The following NBEA variants were observed in gnomAD, a reference collection of about 807,000 sequenced individuals.
The protein encoded by NBEA is neurobeachin.
A neutral mutation model predicts 343.4 loss-of-function variants in NBEA; 44 were observed. The observed-to-expected ratio is 0.13, with a 90% CI of 0.10 to 0.16. The LOEUF is 0.16. Ranked by LOEUF, NBEA falls within the 10% of genes least tolerant of loss-of-function variation. The pLI is 1.00. For missense variants in NBEA, 2,555 were observed against 3,631.3 expected (o/e 0.70, Z 7.62); for synonymous variants, 1,175 against 1,238.7 (o/e 0.95, Z 1.08).
At chr13:35,499,464 G>C (rs987660091) in intron 41 of NBEA, among the ~76,000 whole-genome samples, 1 of 152,018 alleles carries the variant, frequency 6.6e-6, no homozygotes, top group Non-Finnish European at 1.5e-5. Flanking sequence ...ATCATGTTCA[G>C]CTGCTCTGTT....
intron 1 of NBEA, among the ~76,000 whole-genome samples, chr13:35,030,756 C>T (rs911760605): frequency 2.0e-5 from 3 of 151,630 alleles, no homozygotes; most frequent in African/African-American, 7.2e-5. Context: ...AACCATCTCA[C>T]TGTAGAAAGC....
chr13:35,536,368 G>A (rs1177166589), intron 41 of NBEA, among the ~76,000 whole-genome samples: 3 of 152,112 alleles, frequency 2.0e-5, no homozygotes, highest in Non-Finnish European at 2.9e-5. Context: ...ACAAGGAGGA[G>A]AAGTTATTCT....
In NBEA at chr13:35,130,776, A is replaced by G. The variant is rs184110130; in HGVS notation, c.2336+7202A>G. ...ACCATAAAGTAGGCTCAAGAAATTT[A>G]AACAAATTGTCATACAGATGACTTT... On this transcript the variant is annotated intron_variant, in intron 17 of 58. Transcript: ENST00000379939. Among the ~76,000 whole-genome samples, 54 of 152,220 alleles carry G rather than the reference A, an allele frequency of 3.5e-4. No individual in the cohort carries two copies. In the East Asian group the frequency reaches 9.8e-3, roughly 28 times the overall value.
At chr13:35,070,930 A>G in intron 10 of NBEA, 78 bp downstream of exon 10, 1 of 1,448,656 alleles carries the variant, frequency 6.9e-7, no homozygotes, top group Non-Finnish European at 9.3e-7. Context: ...AGTGCTGTGT[A>G]AATGTATTAC....
At chr13:34,970,051 A>T (rs2059951618) in intron 1 of NBEA, among the ~76,000 whole-genome samples, 1 of 152,146 alleles carries the variant, frequency 6.6e-6, no homozygotes, top group South Asian at 2.1e-4. Context: ...CAACCTTGCC[A>T]GCATCTGTTG....
intron 55 of NBEA, among the ~76,000 whole-genome samples, chr13:35,656,453 C>A (rs1303380904): frequency 1.3e-5 from 2 of 152,134 alleles, no homozygotes; most frequent in African/African-American, 4.8e-5. Flanking sequence ...TTGTTTAATC[C>A]GCAGCCTCTC....
intron 47 of NBEA, 89 bp from the exon 48 acceptor site, chr13:35,606,337 C>T: frequency 1.6e-6 from 1 of 628,422 alleles, no homozygotes; most frequent in Non-Finnish European, 2.3e-6. Flanking sequence ...TATTTTATTC[C>T]ATTTATAGTT....
intron 35 of NBEA, among the ~76,000 whole-genome samples, chr13:35,292,310 C>G (rs886702957): frequency 6.6e-6 from 1 of 151,900 alleles, no homozygotes; most frequent in Non-Finnish European, 1.5e-5. Context: ...TGCCATTTTT[C>G]TATACTACTT....
At chr13:35,465,873 C>T (rs1241204085) in intron 40 of NBEA, among the ~76,000 whole-genome samples, 1 of 150,566 alleles carries the variant, frequency 6.6e-6, no homozygotes, top group Non-Finnish European at 1.5e-5. Flanking sequence ...ATTACCTGCT[C>T]TACAATAAAT....
Position 35,057,207 on chromosome 13 carries a change from TC to T in NBEA, c.1092+1079del, listed in dbSNP as rs535043883. On this transcript the variant is annotated intron_variant, in intron 7 of 58. Transcript: ENST00000379939. Reference sequence around the variant, plus strand: ...ACTTACCTCTTAAACACAATTCATTTCTCAGTTTTGTTTGCATCTCTCTAGG... The same window carrying T: ...ACTTACCTCTTAAACACAATTCATTTTCAGTTTTGTTTGCATCTCTCTAGG... Among the ~76,000 whole-genome samples the T allele has an allele frequency of 2.4e-3, 372 of 152,242 alleles. 1 individual carries two copies. Among genetic ancestry groups the T allele is most frequent in the African/African-American group, 8.7e-3 (361 of 41,566 alleles).
At chr13:35,172,983 G>C (rs934065879) in intron 26 of NBEA, among the ~76,000 whole-genome samples, 1 of 152,078 alleles carries the variant, frequency 6.6e-6, no homozygotes, top group African/African-American at 2.4e-5. Context: ...GGTGAATTTG[G>C]GGACCTGTGA....
intron 52 of NBEA, among the ~76,000 whole-genome samples, chr13:35,650,383 C>A (rs2084456762): frequency 6.6e-6 from 1 of 152,170 alleles, no homozygotes; most frequent in African/African-American, 2.4e-5. Context: ...AATCTAAATT[C>A]TCCAGTGATT....
chr13:35,135,393 T>C (rs1028826780), intron 17 of NBEA, among the ~76,000 whole-genome samples: 2 of 152,012 alleles, frequency 1.3e-5, no homozygotes, highest in African/African-American at 4.8e-5. Context: ...ATATATACAA[T>C]GATAGCCAAA....
At chr13:35,521,745 G>A (rs191743753) in intron 41 of NBEA, among the ~76,000 whole-genome samples, 19 of 152,190 alleles carry the variant, frequency 1.2e-4, no homozygotes, top group African/African-American at 3.1e-4. Context: ...GGTTTGCCTC[G>A]GCAACAAATG....
Position 35,070,095 on chromosome 13 carries a change from T to C in NBEA, c.1427T>C (p.Leu476Pro). ...ASIFVHSPHA[L>P]MLQDVKAIVT... ...ATTTTTGTGCATTCCCCACATGCTCTAATGCTTCAGGTGGGTGAATCGTGG... is the reference window on the plus strand; with the variant it reads ...ATTTTTGTGCATTCCCCACATGCTCCAATGCTTCAGGTGGGTGAATCGTGG... The change falls in exon 9 of 59, where the codon CTA becomes CCA. Residue 476 changes from leucine to proline, a missense_variant. Leu to Pro is a moderately conservative substitution (Grantham distance 98, BLOSUM62 -3). Around this residue, in one of 21 missense-constraint regions of NBEA, gnomAD observed 75 missense variants for 237.4 expected, o/e 0.32. Transcript: ENST00000379939. The C allele has an allele frequency of 6.3e-7, 1 of 1,576,940 alleles. No individual in the cohort carries two copies. Among genetic ancestry groups the C allele is most frequent in the African/African-American group, 1.4e-5 (1 of 73,918 alleles).
chr13:35,631,504 T>G (rs762992259), intron 49 of NBEA, among the ~76,000 whole-genome samples: 1 of 152,102 alleles, frequency 6.6e-6, no homozygotes, highest in Non-Finnish European at 1.5e-5. Flanking sequence ...TTCATATAGA[T>G]AAAACCAAAG....
intron 18 of NBEA, among the ~76,000 whole-genome samples, chr13:35,152,392 G>A (rs923505968): frequency 2.0e-5 from 3 of 152,118 alleles, no homozygotes; most frequent in Non-Finnish European, 2.9e-5. Context: ...TAGGTAGCTT[G>A]TCCAAACCTG....
At chr13:35,509,369 G>A (rs568808916) in intron 41 of NBEA, among the ~76,000 whole-genome samples, 3 of 152,268 alleles carry the variant, frequency 2.0e-5, no homozygotes, top group East Asian at 3.9e-4. Context: ...CAGGTGTGTA[G>A]AGTCAGAGAG....
intron 10 of NBEA, among the ~76,000 whole-genome samples, chr13:35,085,306 C>T (rs1327133057): frequency 6.6e-6 from 1 of 152,042 alleles, no homozygotes; most frequent in Non-Finnish European, 1.5e-5. Flanking sequence ...ACCAATATCC[C>T]TGATGAACAT....
Sources: allele counts gnomAD v4.1 joint callset (sites outside exome capture counted in the v4.1 genomes callset), GRCh38; gene constraint gnomAD v4.1.1; regional missense constraint gnomAD v4.1.1; transcripts MANE v1.5; gene names NCBI Gene and HGNC (gene_info 2026-07-23, HGNC 2026-07-21).